Variants in ZNFX1 observed in about 807,000 individuals in gnomAD.
ZNFX1 encodes the protein zinc finger NFX1-type containing 1, also known as NFX1-type zinc finger-containing protein 1.
A neutral mutation model predicts 179.8 loss-of-function variants in ZNFX1; 78 were observed. The ratio of observed to expected loss-of-function variants is 0.43; its 90% CI spans 0.36 to 0.52. The LOEUF (loss-of-function observed/expected upper bound fraction) is 0.52, where lower values mean the gene tolerates loss of function less well. ZNFX1 is among the 20% of genes least tolerant of loss of function. The probability of loss-of-function intolerance (pLI) is 0.00; values close to 1 mark genes in which losing one functional copy is unlikely to be tolerated. For synonymous variants in ZNFX1, 848 were observed against 868.5 expected, an observed-to-expected ratio of 0.98 and a Z score of 0.42; for missense variants, 1,927 against 2,386.6, an observed-to-expected ratio of 0.81 and a Z score of 4.01.
In ZNFX1 at chr20:49,270,939, CGTTTCCTCTTCTAT is replaced by C; in HGVS notation, c.859_872del (p.Ile287GlyfsTer12). 3 of 1,614,152 alleles carry C rather than the reference CGTTTCCTCTTCTAT, an allele frequency of 1.9e-6. No individual in the cohort carries two copies. The highest frequency in any genetic ancestry group is 2.5e-6 in the Non-Finnish European group (3 of 1,180,028). On this transcript the variant is annotated frameshift_variant, in exon 3 of 14. Transcript: ENST00000396105. LOFTEE classifies it high-confidence loss of function. This position sits in a 1 kb window ranked among gnomAD's most constrained non-coding sequence, Gnocchi z 4.6. ...TCTGTACCTTTTCCAGGTTCTTCTC[CGTTTCCTCTTCTAT>C]GTCAACACCAGAGGCTCTCAGAGCA...
chr20:49,275,737 T>C, intron 2 of ZNFX1, 42 bp downstream of exon 2: 1 of 1,591,908 alleles, frequency 6.3e-7, no homozygotes, highest in Non-Finnish European at 8.6e-7. Context: ...CCTTCTTTTA[T>C]TACTAGAATT....
chr20:49,260,419 AT>A, intron 7 of ZNFX1, 43 bp downstream of exon 7: 1 of 1,367,520 alleles, frequency 7.3e-7, no homozygotes. Context: ...TATTTACTAT[AT>A]TCTACGTTAA....
intron 11 of ZNFX1, 129 bp downstream of exon 11, chr20:49,253,537 T>G (rs1600986452): frequency 8.8e-7 from 1 of 1,138,758 alleles, no homozygotes; most frequent in Non-Finnish European, 1.2e-6. Flanking sequence ...ACGTGGGAGG[T>G]GAAGACAAGA....
At chr20:49,251,757 G>A in intron 12 of ZNFX1, 135 bp from the exon 13 acceptor site, 1 of 626,524 alleles carries the variant, frequency 1.6e-6, no homozygotes, top group South Asian at 2.3e-5. Flanking sequence ...CATCACTTTG[G>A]GAAGCCAAGG....
chr20:49,270,348 C>A lies in ZNFX1; in HGVS notation c.1464G>T (p.Glu488Asp). The A allele has an allele frequency of 1.2e-6, 2 of 1,614,162 alleles. No homozygotes were observed. The highest frequency in any genetic ancestry group is 1.7e-6 in the Non-Finnish European group (2 of 1,180,028). ...CCTCTGCTAGCAGCTGTTGGCTTTG[C>A]TCATTGAAGCAGAGCTGGACAATTC... ...CRGIVQLCFN[E>D]QSQQLLAEVQ... The change falls in exon 3 of 14, where the codon GAG becomes GAT. Residue 488 changes from glutamate (E) to aspartate (D), a missense_variant. Coordinates refer to ENST00000396105, the MANE Select transcript of ZNFX1 (RefSeq NM_021035.3). This position sits in a 1 kb window ranked among gnomAD's most constrained non-coding sequence, Gnocchi z 4.6.
In ZNFX1 at chr20:49,265,237, C is replaced by G. The variant is rs55645507; in HGVS notation, c.2003-373G>C. On this transcript the variant is annotated intron_variant, in intron 4 of 13. Coordinates refer to ENST00000396105, the MANE Select transcript of ZNFX1 (RefSeq NM_021035.3). ...AAATGAAAGAAAATCTTTAAAGCTC[C>G]TAGCTAGGGCCCAGCACAAAGCAAG... 4.9e-3 allele frequency among the ~76,000 whole-genome samples: 747 copies of G among 152,318 alleles called. 6 individuals are homozygous for G. Among genetic ancestry groups the G allele is most frequent in the Non-Finnish European group, 8.4e-3 (573 of 68,018 alleles).
chr20:49,266,791 C>T (rs1981244933), intron 3 of ZNFX1, among the ~76,000 whole-genome samples: 1 of 151,544 alleles, frequency 6.6e-6, no homozygotes, highest in Non-Finnish European at 1.5e-5. Context: ...GGTAGATTTG[C>T]TTTTGTGATG....
At chr20:49,257,772 G>A in intron 7 of ZNFX1, 108 bp from the exon 8 acceptor site, 1 of 1,443,028 alleles carries the variant, frequency 6.9e-7, no homozygotes, top group Non-Finnish European at 9.1e-7. Context: ...TGCGATCTTG[G>A]CTCATTGCAA....
chr20:49,269,755 C>T (rs1271843952), intron 3 of ZNFX1, among the ~76,000 whole-genome samples, 187 bp downstream of exon 3: 2 of 105,090 alleles, frequency 1.9e-5, no homozygotes, highest in African/African-American at 6.1e-5. Flanking sequence ...ATAATCTGTA[C>T]ACCAAACCTC....
chr20:49,260,306 A>G (rs1229727058), intron 7 of ZNFX1, among the ~76,000 whole-genome samples, 157 bp downstream of exon 7: 1 of 150,946 alleles, frequency 6.6e-6, no homozygotes, highest in African/African-American at 2.4e-5. Flanking sequence ...AAAAAAAAAA[A>G]GTATTTTATC....
In ZNFX1 at chr20:49,270,117, T is replaced by C. The variant is rs773821966; in HGVS notation, c.1695A>G (p.Ser565=). The change falls in exon 3 of 14, where the codon TCA becomes TCG. Residue 565 remains serine (S), a synonymous_variant. Coordinates refer to ENST00000396105, the MANE Select transcript of ZNFX1 (RefSeq NM_021035.3). The surrounding 1 kb of genome is among the most constrained non-coding windows in gnomAD (Gnocchi z 4.6). ...CATTTCTTAGAAATTCCCCAGTGGC[T>C]GAAGGATTCTCTATTAAGGGGGTAA... is the stretch of plus-strand genomic sequence containing the variant. ...YDFTPLIENP[S]ATGEFLRNVE... The C allele has an allele frequency of 2.5e-6, 4 of 1,614,236 alleles. No individual in the cohort carries two copies. In the South Asian group the frequency reaches 4.4e-5, roughly 18 times the overall value.
At chr20:49,259,703 A>G (rs909814855) in intron 7 of ZNFX1, among the ~76,000 whole-genome samples, 1 of 152,194 alleles carries the variant, frequency 6.6e-6, no homozygotes, top group Non-Finnish European at 1.5e-5. Context: ...TGCTGGGATT[A>G]CATGCATGGG....
chr20:49,248,739 C>T lies in ZNFX1; in HGVS notation c.4285G>A (p.Val1429Ile). Residue 1429 changes from valine to isoleucine, a missense_variant, in exon 14 of 14, where the codon GTC becomes ATC. Transcript: ENST00000396105. The surrounding 1 kb of genome is among the most constrained non-coding windows in gnomAD (Gnocchi z 4.6). ...GTGCCACACTTTGTGGTACACTTGA[C>T]TAGCAGACCACCATACAGGAGGCCT... ...VEGLLYGGLL[V>I]KCTTKCGTIL... 2 of 1,613,344 alleles carry T rather than the reference C, an allele frequency of 1.2e-6. No individual in the cohort carries two copies. The highest frequency in any genetic ancestry group is 1.7e-6 in the Non-Finnish European group (2 of 1,180,042).
At chr20:49,259,115 AAAAT>A (rs1167776083) in intron 7 of ZNFX1, among the ~76,000 whole-genome samples, 4 of 142,082 alleles carry the variant, frequency 2.8e-5, no homozygotes, top group East Asian at 4.1e-4. Context: ...GTCTCAAAAA[AAAAT>A]AAATAAATAA....
chr20:49,252,018 A>C (rs1980850416), intron 12 of ZNFX1, among the ~76,000 whole-genome samples: 1 of 151,866 alleles, frequency 6.6e-6, no homozygotes, highest in Non-Finnish European at 1.5e-5. Flanking sequence ...TTTTTAGCAG[A>C]GACAGTGTTT....
In ZNFX1 at chr20:49,254,599, T is replaced by C. The variant is rs751212203; in HGVS notation, c.2855A>G (p.Tyr952Cys). ...QADTRRKILS[Y>C]ERQYRTSAER... The stretch of plus-strand genomic sequence containing the variant: ...TGCTGATGTGCGGTACTGGCGTTCA[T>C]AGCTGAGGATCTTCCGGCGGGTGTC... The change falls in exon 10 of 14, where the codon TAT (tyrosine) becomes TGT (cysteine). Residue 952 changes from tyrosine (Y) to cysteine (C), a missense_variant. Physicochemically the swap from Tyr to Cys is radical, Grantham distance 194. Transcript: ENST00000396105. The C allele has an allele frequency of 7.4e-6, 12 of 1,614,052 alleles. No homozygotes were observed. The highest frequency in any genetic ancestry group is 1.6e-4 in the Middle Eastern group (1 of 6,078).
chr20:49,274,448 G>A (rs557278412), intron 2 of ZNFX1, among the ~76,000 whole-genome samples: 1 of 152,126 alleles, frequency 6.6e-6, no homozygotes, highest in Non-Finnish European at 1.5e-5. Flanking sequence ...TTATTAAATT[G>A]TCATCAAATT....
Position 49,246,946 on chromosome 20 carries a change from G to A in ZNFX1, c.*321C>T. ...TGCAATGGCATGATCTCAGCTCACT[G>A]CAACCTCCGCCTCCTGGGTTTAAGC... On this transcript the variant is annotated 3_prime_UTR_variant, in exon 14 of 14. Transcript: ENST00000396105. 1 of 458,884 alleles carries A rather than the reference G, an allele frequency of 2.2e-6. No homozygotes were observed. The allele number at this position is 458,884 out of a possible 1,614,324, so 28.4% of individuals were successfully genotyped here. A position where few individuals can be genotyped will look rare whatever the true frequency, so the allele number is the denominator to read the frequency against.
At position 49,271,343 on chromosome 20, in the gene ZNFX1, G is replaced by C. The variant is rs1981389004; in HGVS notation, c.469C>G (p.Pro157Ala). 4 of 1,613,986 alleles carry C rather than the reference G, an allele frequency of 2.5e-6. No individual in the cohort carries two copies. The highest frequency in any genetic ancestry group is 3.3e-5 in the Admixed American group (2 of 59,982). ...KFLESLLQKD[P>A]SEVVITLATS... ...GCAAGTGTGATGACCACCTCAGAAG[G>C]GTCTTTCTGCAGAAGACTTTCTAAG... Residue 157 changes from proline (P) to alanine (A), a missense_variant, in exon 3 of 14, where the codon CCT becomes GCT. Pro to Ala is a conservative substitution (Grantham distance 27). Coordinates refer to ENST00000396105, the MANE Select transcript of ZNFX1 (RefSeq NM_021035.3).
Sources: gnomAD v4.1 joint callset for allele counts (sites outside exome capture counted in the v4.1 genomes callset) on GRCh38, gnomAD v4.1.1 for gene constraint, Gnocchi (gnomAD v3.1) non-coding constraint, MANE v1.5 for transcripts, NCBI Gene and HGNC (gene_info 2026-07-23, HGNC 2026-07-21) for gene names.